SYN3: variants seen among roughly 807,000 people sequenced by gnomAD.
The protein encoded by SYN3 is synapsin-3.
A neutral mutation model predicts 65.8 loss-of-function variants in SYN3; 35 were observed. The ratio of observed to expected loss-of-function variants is 0.53; its 90% CI spans 0.41 to 0.70. The LOEUF (loss-of-function observed/expected upper bound fraction) is 0.70. SYN3 is among the 30% of genes least tolerant of loss of function. The pLI is 0.00. For missense variants in SYN3, 680 were observed against 749.0 expected (o/e 0.91, Z 1.08); for synonymous variants, 270 against 292.9 (o/e 0.92, Z 0.80).
intron 6 of SYN3, among the ~76,000 whole-genome samples, chr22:32,809,329 A>G (rs182139268): frequency 1.3e-5 from 2 of 152,160 alleles, no homozygotes; most frequent in South Asian, 2.1e-4. Flanking sequence ...ACCTCTCCAC[A>G]TGAGTCTTTG....
At chr22:32,645,201 A>C (rs1013721007) in intron 6 of SYN3, among the ~76,000 whole-genome samples, 4 of 152,322 alleles carry the variant, frequency 2.6e-5, no homozygotes, top group Admixed American at 1.3e-4. Flanking sequence ...ACAATAATTA[A>C]ATGAGAGCTA....
chr22:32,994,741 G>A (rs767171442), intron 2 of SYN3, among the ~76,000 whole-genome samples: 1 of 152,142 alleles, frequency 6.6e-6, no homozygotes, highest in South Asian at 2.1e-4. Context: ...CCCTCCTCTA[G>A]GGTTTCTGGA....
Position 32,670,573 on chromosome 22 carries a change from G to A in SYN3, c.712-73837C>T, listed in dbSNP as rs796902962. On this transcript the variant is annotated intron_variant, in intron 6 of 13. Coordinates refer to ENST00000358763, the MANE Select transcript of SYN3 (RefSeq NM_003490.4). ...ATTCAGTCTTTGTTATGGTGGCTTT[G>A]TGGCTTCTTCCACAAGGTGAGTTTT... 8.5e-4 allele frequency among the ~76,000 whole-genome samples: 130 copies of A among 152,308 alleles called. 1 individual carries two copies. Among genetic ancestry groups the A allele is most frequent in the Middle Eastern group, 3.4e-3 (1 of 294 alleles).
intron 6 of SYN3, among the ~76,000 whole-genome samples, chr22:32,656,620 AGTCTT>A (rs1352838668): frequency 2.0e-5 from 3 of 152,182 alleles, no homozygotes; most frequent in Non-Finnish European, 2.9e-5. Context: ...CTGTAAAAGG[AGTCTT>A]GTCTTAAGCA....
chr22:32,657,779 C>T (rs796449761), intron 6 of SYN3, among the ~76,000 whole-genome samples: 11 of 152,308 alleles, frequency 7.2e-5, no homozygotes, highest in African/African-American at 2.6e-4. Flanking sequence ...TCAATGCATG[C>T]CAGCCAGGCA....
At chr22:33,028,988 C>A (rs1569413816) in intron 1 of SYN3, among the ~76,000 whole-genome samples, 1 of 151,538 alleles carries the variant, frequency 6.6e-6, no homozygotes, top group South Asian at 2.1e-4. Flanking sequence ...TGCAGTGAGC[C>A]AAGATCCCGC....
intron 6 of SYN3, among the ~76,000 whole-genome samples, chr22:32,736,021 A>G (rs1433025326): frequency 6.6e-6 from 1 of 152,230 alleles, no homozygotes; most frequent in Non-Finnish European, 1.5e-5. Context: ...AGGATTTCCT[A>G]GAATCAGAGG....
intron 1 of SYN3, among the ~76,000 whole-genome samples, chr22:33,018,764 C>T (rs779626741): frequency 6.6e-6 from 1 of 152,180 alleles, no homozygotes; most frequent in Non-Finnish European, 1.5e-5. Context: ...AACTTCTTTC[C>T]TTGCTCACCC....
At chr22:33,018,243 T>C (rs2053502054) in intron 1 of SYN3, among the ~76,000 whole-genome samples, 1 of 152,176 alleles carries the variant, frequency 6.6e-6, no homozygotes, top group Non-Finnish European at 1.5e-5. Flanking sequence ...TTCAAGGTCT[T>C]TTCCTCTTGA....
chr22:32,516,346 G>GATTTATTTATTTATTTATTT (rs58972175), intron 13 of SYN3, among the ~76,000 whole-genome samples: 168 of 149,952 alleles, frequency 1.1e-3, no homozygotes, highest in African/African-American at 3.7e-3. Context: ...ATACATCTTT[G>GATTTATTTATTTATTTATTT]ATTTATTTAT....
At chr22:32,800,488 C>A (rs2046539825) in intron 6 of SYN3, among the ~76,000 whole-genome samples, 1 of 152,156 alleles carries the variant, frequency 6.6e-6, no homozygotes, top group Admixed American at 6.5e-5. Context: ...GCTTTTCCTA[C>A]CCACAAAGAT....
chr22:32,549,435 T>C (rs901948493), intron 7 of SYN3, among the ~76,000 whole-genome samples: 1 of 152,134 alleles, frequency 6.6e-6, no homozygotes, highest in Non-Finnish European at 1.5e-5. Context: ...TTATTTTTTA[T>C]AGTGACAGGA....
chr22:32,697,004 C>T (rs2060745748), intron 6 of SYN3, among the ~76,000 whole-genome samples: 1 of 152,196 alleles, frequency 6.6e-6, no homozygotes. Flanking sequence ...AAAGAAAAAT[C>T]TCTCTCTGTC....
At chr22:32,646,907 AG>A (rs1168249315) in intron 6 of SYN3, among the ~76,000 whole-genome samples, 2 of 152,116 alleles carry the variant, frequency 1.3e-5, no homozygotes, top group African/African-American at 4.8e-5. Context: ...CTTGTGGAAG[AG>A]GTTTTGGTTC....
At chr22:33,035,191 G>A (rs577925795) in intron 1 of SYN3, among the ~76,000 whole-genome samples, 2 of 152,228 alleles carry the variant, frequency 1.3e-5, no homozygotes, top group Admixed American at 6.5e-5. Context: ...TAATGATGAC[G>A]ATGATAGTAA....
At chr22:32,636,318 C>T (rs2059814609) in intron 6 of SYN3, among the ~76,000 whole-genome samples, 1 of 150,488 alleles carries the variant, frequency 6.6e-6, no homozygotes, top group Non-Finnish European at 1.5e-5. Flanking sequence ...AGGAGAATGG[C>T]GTGAACCCGG....
At chr22:32,584,148 T>A (rs977604243) in intron 7 of SYN3, 3 of 152,378 alleles carry the variant, frequency 2.0e-5, no homozygotes, top group African/African-American at 7.2e-5. Flanking sequence ...ATTTGAGGTT[T>A]CCTCCTGTTT....
At chr22:33,019,074 C>G (rs1569408822) in intron 1 of SYN3, among the ~76,000 whole-genome samples, 3 of 152,206 alleles carry the variant, frequency 2.0e-5, no homozygotes, top group African/African-American at 7.2e-5. Context: ...CAACTTTCCA[C>G]AGAGCAGAGA....
chr22:32,536,540 G>A (rs891623213), intron 9 of SYN3, among the ~76,000 whole-genome samples: 3 of 152,214 alleles, frequency 2.0e-5, no homozygotes, highest in Non-Finnish European at 2.9e-5. Context: ...AGTCTCCAGG[G>A]GTGCAGACCT....
Sources: allele counts gnomAD v4.1 joint callset (sites outside exome capture counted in the v4.1 genomes callset), GRCh38; gene constraint gnomAD v4.1.1; transcripts MANE v1.5; gene names NCBI Gene and HGNC (gene_info 2026-07-23, HGNC 2026-07-21).